WWOX: variants seen among roughly 807,000 people sequenced by gnomAD.
WWOX encodes WW domain-containing oxidoreductase.
A neutral mutation model predicts 46.2 loss-of-function variants in WWOX; 69 were observed. The ratio of observed to expected loss-of-function variants is 1.49; its 90% CI spans 1.23 to 1.82. WWOX has a LOEUF of 1.82. Ranked by LOEUF, WWOX falls within the 40% of genes most tolerant of loss-of-function variation. The probability of loss-of-function intolerance (pLI) is 0.00; values close to 1 mark genes in which losing one functional copy is unlikely to be tolerated. For synonymous variants in WWOX, 359 were observed against 202.6 expected (o/e 1.77, Z -6.56); for missense variants, 919 against 542.6 (o/e 1.69, Z -6.89).
intron 5 of WWOX, among the ~76,000 whole-genome samples, chr16:78,200,553 TATC>T (rs1567422820): frequency 1.3e-5 from 2 of 151,116 alleles, no homozygotes; most frequent in East Asian, 3.9e-4. Flanking sequence ...AAATTTTTAA[TATC>T]ATCATTATTA....
At position 78,404,061 on chromosome 16, in the gene WWOX, A is replaced by G. The variant is rs72628245; in HGVS notation, c.605+17113A>G. ...TTTTGCAAAGGGCGAGGCGAGGCTA[A>G]AAAGTATAGAAGAGTTCGTTTCCAG... On this transcript the variant is annotated intron_variant, in intron 6 of 8. Transcript: ENST00000566780. Among the ~76,000 whole-genome samples, 1,072 of 152,308 alleles carry G rather than the reference A, an allele frequency of 7.0e-3. 25 individuals carry two copies. The East Asian group carries it at 0.086, about 12-fold the overall frequency.
chr16:78,300,974 A>G (rs12597477), intron 5 of WWOX, among the ~76,000 whole-genome samples: 27,847 of 151,704 alleles, frequency 0.18, 2,879 homozygotes, highest in South Asian at 0.43. Flanking sequence ...CCATCCATAC[A>G]TTTATCCATC....
chr16:78,134,154 A>G (rs1161826863), intron 4 of WWOX, among the ~76,000 whole-genome samples: 1 of 152,230 alleles, frequency 6.6e-6, no homozygotes, highest in African/African-American at 2.4e-5. Context: ...TAGTTGCTCA[A>G]ATATTAGCAT....
intron 8 of WWOX, among the ~76,000 whole-genome samples, chr16:78,920,061 C>T (rs532170825): frequency 1.6e-4 from 24 of 152,258 alleles, no homozygotes; most frequent in African/African-American, 3.1e-4. Flanking sequence ...CAGTAACAAA[C>T]GACCCCACCA....
chr16:78,578,935 G>A (rs1202792924), intron 8 of WWOX, among the ~76,000 whole-genome samples: 1 of 152,138 alleles, frequency 6.6e-6, no homozygotes, highest in Non-Finnish European at 1.5e-5. Context: ...GTTGATTGTT[G>A]ATATTACTTA....
chr16:79,071,058 A>C (rs967483792), intron 8 of WWOX, among the ~76,000 whole-genome samples: 1 of 152,198 alleles, frequency 6.6e-6, no homozygotes, highest in Non-Finnish European at 1.5e-5. Flanking sequence ...GGCAGCATAT[A>C]AGGTTGCAAA....
chr16:78,340,735 T>C (rs72794018), intron 5 of WWOX, among the ~76,000 whole-genome samples: 13,593 of 117,690 alleles, frequency 0.12, 4,095 homozygotes, highest in East Asian at 0.21. Context: ...GATCTTCTTA[T>C]CTTCTGCTTG....
chr16:78,356,764 C>A (rs2081302707), intron 5 of WWOX, among the ~76,000 whole-genome samples: 1 of 152,032 alleles, frequency 6.6e-6, no homozygotes, highest in Non-Finnish European at 1.5e-5. Context: ...AGCCTGTAAT[C>A]CCAGCGACTC....
At chr16:78,736,889 A>G (rs1026975294) in intron 8 of WWOX, among the ~76,000 whole-genome samples, 7 of 151,930 alleles carry the variant, frequency 4.6e-5, no homozygotes, top group Admixed American at 1.3e-4. Flanking sequence ...GATTATAGGC[A>G]TGAGGCAATG....
At chr16:78,554,164 C>T (rs796933356) in intron 8 of WWOX, among the ~76,000 whole-genome samples, 11 of 152,254 alleles carry the variant, frequency 7.2e-5, no homozygotes, top group African/African-American at 2.6e-4. Context: ...TGAAGGTGGC[C>T]TGCCCTAAGG....
intron 8 of WWOX, among the ~76,000 whole-genome samples, chr16:78,989,067 T>C (rs1597243857): frequency 6.6e-6 from 1 of 152,312 alleles, no homozygotes; most frequent in South Asian, 2.1e-4. Flanking sequence ...ATTTAACTTG[T>C]AGAGCTTTGG....
At chr16:78,896,785 G>A (rs899324383) in intron 8 of WWOX, 1 of 151,956 alleles carries the variant, frequency 6.6e-6, no homozygotes, top group Admixed American at 6.6e-5. Context: ...GAGAGAAAAT[G>A]TATATGCATA....
chr16:78,172,258 A>T (rs1005461129), intron 5 of WWOX, among the ~76,000 whole-genome samples: 1 of 152,230 alleles, frequency 6.6e-6, no homozygotes, highest in East Asian at 1.9e-4. Flanking sequence ...GTTGATGAAC[A>T]TGGGCCAAGG....
At chr16:79,184,781 G>T (rs900230900) in intron 8 of WWOX, among the ~76,000 whole-genome samples, 2 of 152,166 alleles carry the variant, frequency 1.3e-5, no homozygotes, top group African/African-American at 4.8e-5. Context: ...TGGCAATTTG[G>T]GTTGTTAATT....
At chr16:79,129,792 C>G (rs564568803) in intron 8 of WWOX, among the ~76,000 whole-genome samples, 3 of 152,228 alleles carry the variant, frequency 2.0e-5, no homozygotes, top group South Asian at 2.1e-4. Flanking sequence ...CAGTCACAGT[C>G]CATCCCTCAA....
chr16:78,613,953 G>T (rs553431337), intron 8 of WWOX, among the ~76,000 whole-genome samples: 2 of 152,146 alleles, frequency 1.3e-5, no homozygotes, highest in African/African-American at 4.8e-5. Context: ...GTTGGTTTAC[G>T]TACTGCGATG....
At chr16:78,736,721 C>A (rs1443356325) in intron 8 of WWOX, among the ~76,000 whole-genome samples, 3 of 152,274 alleles carry the variant, frequency 2.0e-5, no homozygotes, top group East Asian at 1.9e-4. Context: ...CCTCAACGTC[C>A]TGAGTAGGGA....
chr16:78,335,617 A>G (rs1439645941), intron 5 of WWOX, among the ~76,000 whole-genome samples: 3 of 152,168 alleles, frequency 2.0e-5, no homozygotes, highest in Non-Finnish European at 4.4e-5. Context: ...AAAGGAATAG[A>G]AATGATTGTA....
intron 8 of WWOX, among the ~76,000 whole-genome samples, chr16:78,716,504 C>T (rs944358670): frequency 2.0e-5 from 3 of 152,114 alleles, no homozygotes; most frequent in Non-Finnish European, 4.4e-5. Flanking sequence ...TGATGCACTG[C>T]TTATTTTAGG....
Sources: allele counts gnomAD v4.1 joint callset (sites outside exome capture counted in the v4.1 genomes callset), GRCh38; gene constraint gnomAD v4.1.1; transcripts MANE v1.5; gene names NCBI Gene and HGNC (gene_info 2026-07-23, HGNC 2026-07-21).